SDK1: variants seen among roughly 807,000 people sequenced by gnomAD.
SDK1 encodes the protein protein sidekick-1.
A neutral mutation model predicts 245.5 loss-of-function variants in SDK1; 157 were observed. The ratio of observed to expected loss-of-function variants is 0.64; its 90% CI spans 0.56 to 0.73. The LOEUF is 0.73. SDK1 is among the 30% of genes least tolerant of loss of function. The pLI is 0.00. For missense variants in SDK1, 3,583 were observed against 3,002.3 expected, an observed-to-expected ratio of 1.19 and a Z score of -4.52; for synonymous variants, 1,647 against 1,278.5, an observed-to-expected ratio of 1.29 and a Z score of -6.15.
At chr7:3,396,266 G>A (rs1583795771) in intron 1 of SDK1, among the ~76,000 whole-genome samples, 2 of 151,666 alleles carry the variant, frequency 1.3e-5, no homozygotes, top group African/African-American at 4.8e-5. Flanking sequence ...TACTTTATAC[G>A]ATTTTAATCC....
At chr7:4,076,340 G>A (rs1780677007) in intron 20 of SDK1, among the ~76,000 whole-genome samples, 1 of 152,168 alleles carries the variant, frequency 6.6e-6, no homozygotes, top group African/African-American at 2.4e-5. Context: ...GATCTCTTGA[G>A]CCTAGGAATT....
At chr7:3,459,278 A>C (rs1424999888) in intron 1 of SDK1, among the ~76,000 whole-genome samples, 1 of 152,180 alleles carries the variant, frequency 6.6e-6, no homozygotes, top group Non-Finnish European at 1.5e-5. Context: ...CTCTTTATGT[A>C]AGGTATGCTT....
At chr7:3,931,370 G>T (rs1200152680) in intron 5 of SDK1, among the ~76,000 whole-genome samples, 1 of 152,132 alleles carries the variant, frequency 6.6e-6, no homozygotes, top group Admixed American at 6.5e-5. Flanking sequence ...CACTTCCTCT[G>T]CCATGGTTTT....
chr7:4,176,907 G>T (rs1782249212), intron 34 of SDK1, among the ~76,000 whole-genome samples: 1 of 152,178 alleles, frequency 6.6e-6, no homozygotes, highest in African/African-American at 2.4e-5. Flanking sequence ...AAACCACGTT[G>T]TTTCTCCTTT....
In SDK1 at chr7:4,174,223, C is replaced by G. The variant is rs1214539762; in HGVS notation, c.4802C>G (p.Pro1601Arg). Residue 1601 changes from proline (P) to arginine (R), a missense_variant and splice_region_variant, in exon 33 of 45, where the codon CCT becomes CGT. By Grantham distance (103) the Pro-to-Arg change is moderately radical. Coordinates refer to ENST00000404826, the MANE Select transcript of SDK1 (RefSeq NM_152744.4). ...TTSSVLIQWQ[P>R]PRDESLNGLL... ...TGAGTCGGTGTGATGTCTTTGCAGC[C>G]TCCGAGGGACGAAAGCCTGAATGGC... 6.2e-7 allele frequency: 1 copy of G among 1,614,010 alleles called. No individual in the cohort carries two copies. Among genetic ancestry groups the G allele is most frequent in the East Asian group, 2.2e-5 (1 of 44,870 alleles).
rs114259239 is a variant in SDK1, at chr7:4,083,202, A to C, written c.3324+3618A>C. ...CACACCTGGGAAGCTGTGACCACAG[A>C]TGAGATAATGAACAGGTTCCTCACC... On this transcript the variant is annotated intron_variant, in intron 22 of 44. Coordinates refer to ENST00000404826, the MANE Select transcript of SDK1 (RefSeq NM_152744.4). 1.3e-3 allele frequency among the ~76,000 whole-genome samples: 191 copies of C among 152,284 alleles called. 4 individuals are homozygous for C. The East Asian group carries it at 0.031, about 25-fold the overall frequency.
At chr7:4,060,342 A>G (rs866671580) in intron 19 of SDK1, among the ~76,000 whole-genome samples, 1 of 152,208 alleles carries the variant, frequency 6.6e-6, no homozygotes, top group Admixed American at 6.5e-5. Flanking sequence ...CCAAACCCAA[A>G]ATTAGTAGAA....
intron 21 of SDK1, among the ~76,000 whole-genome samples, chr7:4,077,651 G>A (rs1490638723): frequency 6.6e-6 from 1 of 152,204 alleles, no homozygotes. Flanking sequence ...GCAAGGAGGA[G>A]CAAGTCATGT....
intron 18 of SDK1, among the ~76,000 whole-genome samples, chr7:4,050,740 C>CT (rs1025481997): frequency 1.3e-5 from 2 of 151,510 alleles, no homozygotes; most frequent in Admixed American, 6.6e-5. Flanking sequence ...TCATGGATGT[C>CT]TTTTTTGAGA....
At chr7:3,318,679 C>A (rs1394878064) in intron 1 of SDK1, among the ~76,000 whole-genome samples, 5 of 152,152 alleles carry the variant, frequency 3.3e-5, no homozygotes, top group African/African-American at 9.7e-5. Flanking sequence ...ACAAATGTTA[C>A]ATATTTCTTT....
At chr7:3,939,991 G>T (rs1000895070) in intron 5 of SDK1, among the ~76,000 whole-genome samples, 2 of 152,248 alleles carry the variant, frequency 1.3e-5, no homozygotes, top group African/African-American at 2.4e-5. Flanking sequence ...AGACGCGTAG[G>T]CAATGTTCAA....
At chr7:3,695,836 A>C (rs540151673) in intron 4 of SDK1, among the ~76,000 whole-genome samples, 7 of 152,214 alleles carry the variant, frequency 4.6e-5, no homozygotes, top group Non-Finnish European at 1.0e-4. Flanking sequence ...CAGCAGTGTA[A>C]TCACCTGGAA....
At chr7:3,608,762 A>G (rs1019200091) in intron 1 of SDK1, among the ~76,000 whole-genome samples, 3 of 152,376 alleles carry the variant, frequency 2.0e-5, no homozygotes, top group South Asian at 4.1e-4. Flanking sequence ...ACAAAGCACC[A>G]AAGTGTCATT....
At chr7:3,962,361 C>T (rs540065627) in intron 8 of SDK1, among the ~76,000 whole-genome samples, 2 of 152,202 alleles carry the variant, frequency 1.3e-5, no homozygotes, top group African/African-American at 4.8e-5. Flanking sequence ...ACCTGACTCT[C>T]AGCTGGAATC....
At chr7:3,493,270 A>G (rs1310510107) in intron 1 of SDK1, among the ~76,000 whole-genome samples, 3 of 152,146 alleles carry the variant, frequency 2.0e-5, no homozygotes, top group African/African-American at 7.2e-5. Flanking sequence ...ATTTAGATAT[A>G]TGTCTGTCTG....
At chr7:3,322,181 A>ACCAT (rs1286409089) in intron 1 of SDK1, among the ~76,000 whole-genome samples, 8 of 151,952 alleles carry the variant, frequency 5.3e-5, no homozygotes, top group African/African-American at 1.9e-4. Context: ...GCCCCTAATG[A>ACCAT]CCATCCACCC....
intron 14 of SDK1, among the ~76,000 whole-genome samples, chr7:3,990,017 G>C (rs1784175637): frequency 6.6e-6 from 1 of 152,250 alleles, no homozygotes; most frequent in Non-Finnish European, 1.5e-5. Flanking sequence ...ATCCGCAGAG[G>C]AGCCTTCGGA....
chr7:3,528,339 G>A (rs1461317439), intron 1 of SDK1, among the ~76,000 whole-genome samples: 2 of 148,144 alleles, frequency 1.4e-5, no homozygotes, highest in African/African-American at 5.0e-5. Flanking sequence ...CGTCAGCTGG[G>A]GGTTGAGTGG....
At chr7:3,379,174 A>T (rs565778942) in intron 1 of SDK1, among the ~76,000 whole-genome samples, 1 of 152,310 alleles carries the variant, frequency 6.6e-6, no homozygotes, top group Admixed American at 6.5e-5. Flanking sequence ...TCTGTTCCAC[A>T]ACTCTTTATT....
Sources: gnomAD v4.1 joint callset for allele counts (sites outside exome capture counted in the v4.1 genomes callset) on GRCh38, gnomAD v4.1.1 for gene constraint, MANE v1.5 for transcripts, NCBI Gene and HGNC (gene_info 2026-07-23, HGNC 2026-07-21) for gene names.